CMKLR2: variants seen among roughly 807,000 people sequenced by gnomAD.
CMKLR2 encodes chemerin-like receptor 2.
In CMKLR2, 18 loss-of-function variants were observed where a neutral mutation model predicts 23.0. The observed-to-expected ratio is 0.78, with a 90% CI of 0.54 to 1.16. The LOEUF is 1.16. Ranked by LOEUF, CMKLR2 falls within the 50% of genes most tolerant of loss-of-function variation. CMKLR2 has a pLI of 0.00. For missense variants in CMKLR2, 401 were observed against 412.7 expected (o/e 0.97, Z 0.25); for synonymous variants, 158 against 158.9 (o/e 0.99, Z 0.05).
chr2:206,205,866 A>G (rs939586029), intron 1 of CMKLR2, among the ~76,000 whole-genome samples: 1 of 151,212 alleles, frequency 6.6e-6, no homozygotes, highest in African/African-American at 2.4e-5. Flanking sequence ...TGCCCGGCTA[A>G]TTTTGTATTT....
At chr2:206,198,548 C>A (rs921961326) in intron 1 of CMKLR2, among the ~76,000 whole-genome samples, 4 of 152,174 alleles carry the variant, frequency 2.6e-5, no homozygotes, top group Non-Finnish European at 5.9e-5. Flanking sequence ...CGGTCCCTTG[C>A]ACAGAGTGGA....
At chr2:206,184,998 T>C (rs945500409) in intron 1 of CMKLR2, among the ~76,000 whole-genome samples, 1 of 152,186 alleles carries the variant, frequency 6.6e-6, no homozygotes, top group Non-Finnish European at 1.5e-5. Context: ...TTTCTTTCTT[T>C]CTTTTCTTTA....
upstream of CMKLR2, among the ~76,000 whole-genome samples, chr2:206,216,121 T>A (rs1378510507): frequency 1.3e-5 from 2 of 152,196 alleles, no homozygotes; most frequent in Non-Finnish European, 2.9e-5. Context: ...ATGGCTAGTA[T>A]TTCAAGGGGT....
chr2:206,196,843 C>T (rs1009641946), intron 1 of CMKLR2, among the ~76,000 whole-genome samples: 22 of 152,224 alleles, frequency 1.4e-4, no homozygotes, highest in Non-Finnish European at 4.4e-5. Flanking sequence ...AACCAACTCT[C>T]ATCCAGCCTC....
intron 1 of CMKLR2, among the ~76,000 whole-genome samples, chr2:206,199,583 G>T (rs886803843): frequency 3.3e-5 from 5 of 151,238 alleles, no homozygotes; most frequent in African/African-American, 1.2e-4. Context: ...AGCCTATTTT[G>T]TATTACGGCA....
At chr2:206,188,734 A>G (rs548704939) in intron 1 of CMKLR2, among the ~76,000 whole-genome samples, 2 of 152,324 alleles carry the variant, frequency 1.3e-5, no homozygotes, top group African/African-American at 4.8e-5. Context: ...TTCCACCTAG[A>G]TACTCAAATG....
In CMKLR2 at chr2:206,176,930, G is replaced by A. The variant is rs547622124; in HGVS notation, c.318C>T (p.Gly106=). Residue 106 remains glycine, a synonymous_variant, in exon 2 of 2, where the codon GGC becomes GGT. Coordinates refer to ENST00000621141, the MANE Select transcript of CMKLR2 (RefSeq NM_001389445.1). The part of the protein sequence containing the change: ...YVAMNFHWPF[G]IWLCKANSFT... ...AGGAATTGGCTTTGCACAGCCAGAT[G>A]CCAAAGGGCCAGTGGAAATTCATGG... 5 of 1,614,212 alleles carry A rather than the reference G, an allele frequency of 3.1e-6. No individual in the cohort carries two copies. Among genetic ancestry groups the A allele is most frequent in the Non-Finnish European group, 4.2e-6 (5 of 1,180,042 alleles).
rs775245510 is a variant in CMKLR2 at position 206,176,699 on chromosome 2, A to G, written c.549T>C (p.Asn183=). The G allele has an allele frequency of 3.1e-6, 5 of 1,614,214 alleles. No homozygotes were observed. The highest frequency in any genetic ancestry group is 4.2e-6 in the Non-Finnish European group (5 of 1,180,036). ...GAAAATTGTTATAGCAAAGAGTATGATTATTGAACTCCACAGTGTCCCGGA... is the reference window on the plus strand; with the variant it reads ...GAAAATTGTTATAGCAAAGAGTATGGTTATTGAACTCCACAGTGTCCCGGA... ...LYFRDTVEFN[N]HTLCYNNFQK... The change falls in exon 2 of 2, where the codon AAT becomes AAC. Residue 183 remains asparagine, a synonymous_variant. Coordinates refer to ENST00000621141, the MANE Select transcript of CMKLR2 (RefSeq NM_001389445.1).
chr2:206,182,513 A>T (rs2105804270), intron 1 of CMKLR2, among the ~76,000 whole-genome samples: 1 of 152,346 alleles, frequency 6.6e-6, no homozygotes, highest in Non-Finnish European at 1.5e-5. Flanking sequence ...GATGCTTAAG[A>T]AATGATTGGC....
rs1024800974 is a variant in CMKLR2 at position 206,209,297 on chromosome 2, C to T, written c.-29+4010G>A. Reference sequence around the variant, plus strand: ...AGGTTGCAGTGAGCTGAGATCGCAGCCACTGCACTTCAGCCTGGGTGACAG... The same window carrying T: ...AGGTTGCAGTGAGCTGAGATCGCAGTCACTGCACTTCAGCCTGGGTGACAG... On this transcript the variant is annotated intron_variant, in intron 1 of 1. Coordinates refer to ENST00000621141, the MANE Select transcript of CMKLR2 (RefSeq NM_001389445.1). 1.3e-5 allele frequency among the ~76,000 whole-genome samples: 2 copies of T among 151,858 alleles called. 1 individual carries two copies. The highest frequency in any genetic ancestry group is 6.8e-3 in the Middle Eastern group (2 of 294).
chr2:206,207,082 C>T lies in CMKLR2; in HGVS notation c.-29+6225G>A, dbSNP rs557483744. Reference sequence around the variant, plus strand: ...TCTAGGAAAAGATGATGAGATTTTTCTCTAAACTGGTATGAGGAGCAAACA... The same window carrying T: ...TCTAGGAAAAGATGATGAGATTTTTTTCTAAACTGGTATGAGGAGCAAACA... On this transcript the variant is annotated intron_variant, in intron 1 of 1. Transcript: ENST00000621141. Among the ~76,000 whole-genome samples, 11 of 151,942 alleles carry T rather than the reference C, an allele frequency of 7.2e-5. No homozygotes were observed. In the South Asian group the frequency reaches 2.3e-3, roughly 32 times the overall value.
At chr2:206,203,881 T>C (rs1034155737) in intron 1 of CMKLR2, 1 of 152,256 alleles carries the variant, frequency 6.6e-6, no homozygotes, top group African/African-American at 2.4e-5. Flanking sequence ...TCAAATACAT[T>C]GATCAAGCTT....
intron 1 of CMKLR2, among the ~76,000 whole-genome samples, chr2:206,181,829 G>A (rs992133164): frequency 6.6e-6 from 1 of 151,534 alleles, no homozygotes; most frequent in Non-Finnish European, 1.5e-5. Flanking sequence ...GTGCATGCCT[G>A]TAATCCCAGC....
rs1688185745 is a variant in CMKLR2, at chr2:206,175,819, C to T, written c.*361G>A. ...GCTAATCATATATTTAATATTAAGA[C>T]TTAAGGCTTTAGAAAAGTTATTATT... On this transcript the variant is annotated 3_prime_UTR_variant, in exon 2 of 2. Transcript: ENST00000621141. The T allele has an allele frequency of 6.1e-6, 1 of 163,176 alleles. No individual in the cohort carries two copies. The highest frequency in any genetic ancestry group is 2.4e-5 in the African/African-American group (1 of 41,702). The allele number at this position is 163,176 out of a possible 1,614,324, so 10.1% of individuals were successfully genotyped here. A position where few individuals can be genotyped will look rare whatever the true frequency, so the allele number is the denominator to read the frequency against.
upstream of CMKLR2, among the ~76,000 whole-genome samples, chr2:206,217,087 T>C (rs1224322005): frequency 6.6e-6 from 1 of 152,084 alleles, no homozygotes; most frequent in African/African-American, 2.4e-5. Context: ...CTTTTTGTTG[T>C]TGTTTGAAAA....
At chr2:206,210,260 G>A (rs1689504374) in intron 1 of CMKLR2, among the ~76,000 whole-genome samples, 2 of 152,032 alleles carry the variant, frequency 1.3e-5, no homozygotes, top group Non-Finnish European at 2.9e-5. Flanking sequence ...TTCGTTTTCT[G>A]TTCCTGTATT....
At chr2:206,208,654 T>C (rs1689428137) in intron 1 of CMKLR2, among the ~76,000 whole-genome samples, 1 of 152,004 alleles carries the variant, frequency 6.6e-6, no homozygotes, top group African/African-American at 2.4e-5. Flanking sequence ...TTTTTTTTTT[T>C]TTCCAGGCAG....
At chr2:206,215,221 C>T (rs1234655782), upstream of CMKLR2, among the ~76,000 whole-genome samples, 5 of 152,084 alleles carry the variant, frequency 3.3e-5, no homozygotes, top group Middle Eastern at 3.2e-3. Context: ...TTTGTGAGAC[C>T]GGATGAATAG....
intron 1 of CMKLR2, among the ~76,000 whole-genome samples, chr2:206,206,456 T>C (rs537666072): frequency 1.3e-5 from 2 of 152,350 alleles, no homozygotes; most frequent in Admixed American, 6.5e-5. Context: ...TAAGCTTTTA[T>C]CTCCTAAACT....
Sources: allele counts gnomAD v4.1 joint callset (sites outside exome capture counted in the v4.1 genomes callset), GRCh38; gene constraint gnomAD v4.1.1; transcripts MANE v1.5; gene names NCBI Gene and HGNC (gene_info 2026-07-23, HGNC 2026-07-21).